The following CNTN6 variants were observed in gnomAD, a reference collection of about 807,000 sequenced individuals.
CNTN6 encodes the protein contactin 6, also known as contactin-6.
CNTN6 carries 137 observed loss-of-function variants against 122.8 expected under a neutral mutation model. The ratio of observed to expected loss-of-function variants is 1.12; its 90% CI spans 0.97 to 1.29. The LOEUF (loss-of-function observed/expected upper bound fraction) is 1.29, where lower values mean the gene tolerates loss of function less well. Ranked by LOEUF, CNTN6 falls within the 50% of genes most tolerant of loss-of-function variation. The pLI is 0.00. For synonymous variants in CNTN6, 570 were observed against 426.0 expected, an observed-to-expected ratio of 1.34 and a Z score of -4.16; for missense variants, 1,634 against 1,223.4, an observed-to-expected ratio of 1.34 and a Z score of -5.01.
At position 1,280,955 on chromosome 3, in the gene CNTN6, A is replaced by G. The variant is rs540062541; in HGVS notation, c.454+2447A>G. ...CCAATGTCAAAGCCAGGAACAGAGAATCTGTCTCACATTTAGTCCCTCGAA... is the reference window on the plus strand; with the variant it reads ...CCAATGTCAAAGCCAGGAACAGAGAGTCTGTCTCACATTTAGTCCCTCGAA... On this transcript the variant is annotated intron_variant, in intron 5 of 22. Transcript: ENST00000446702. 3.3e-5 allele frequency among the ~76,000 whole-genome samples: 5 copies of G among 152,276 alleles called. No individual in the cohort carries two copies. The South Asian group carries it at 1.0e-3, about 32-fold the overall frequency.
At position 1,198,180 on chromosome 3, in the gene CNTN6, T is replaced by TA. The variant is rs1016178158; in HGVS notation, c.56-22501dup. Among the ~76,000 whole-genome samples the TA allele has an allele frequency of 1.3e-4, 20 of 151,898 alleles. 1 individual carries two copies. The highest frequency in any genetic ancestry group is 4.8e-4 in the African/African-American group (20 of 41,338). On this transcript the variant is annotated intron_variant, in intron 2 of 22. Transcript: ENST00000446702. ...CATCTCTCAAAGAACTGCCTATTAA[T>TA]AAAAAACAAACAAAAAAAACTTATT...
chr3:1,377,800 G>A (rs573559012), intron 17 of CNTN6, among the ~76,000 whole-genome samples: 6 of 152,190 alleles, frequency 3.9e-5, no homozygotes, highest in African/African-American at 1.2e-4. Context: ...AGCTGTAGAA[G>A]GTTGGTGTTG....
At chr3:1,339,881 T>C (rs1703633687) in intron 11 of CNTN6, among the ~76,000 whole-genome samples, 2 of 152,162 alleles carry the variant, frequency 1.3e-5, no homozygotes, top group African/African-American at 4.8e-5. Flanking sequence ...CTATCTCCAA[T>C]TAAATTAACC....
At chr3:1,278,842 C>G (rs559315525) in intron 5 of CNTN6, among the ~76,000 whole-genome samples, 1 of 152,108 alleles carries the variant, frequency 6.6e-6, no homozygotes, top group Non-Finnish European at 1.5e-5. Flanking sequence ...TTATTTACCC[C>G]ACTTTGAGGC....
intron 2 of CNTN6, among the ~76,000 whole-genome samples, chr3:1,149,011 G>A (rs2092781967): frequency 6.6e-6 from 1 of 152,104 alleles, no homozygotes; most frequent in African/African-American, 2.4e-5. Context: ...ATTTCTGTGA[G>A]TTATTTTGAC....
rs536739301 is a variant in CNTN6, at chr3:1,207,780, A to G, written c.56-12907A>G. Among the ~76,000 whole-genome samples, 16 of 152,200 alleles carry G rather than the reference A, an allele frequency of 1.1e-4. No homozygotes were observed. The South Asian group carries it at 2.1e-3, about 20-fold the overall frequency. ...CACATAGTAATCCCACAAATAAATG[A>G]TTGTTCAGTAAATGAATAAAAAATA... On this transcript the variant is annotated intron_variant, in intron 2 of 22. Transcript: ENST00000446702.
In CNTN6 at chr3:1,298,178, T is replaced by C. The variant is rs191528130; in HGVS notation, c.761+187T>C. 1.6e-3 allele frequency: 779 copies of C among 501,812 alleles called. 2 individuals are homozygous for C. The Middle Eastern group carries it at 0.019, about 12-fold the overall frequency. 31.1% of individuals were successfully genotyped at this position (501,812 alleles called of 1,614,324 possible). On this transcript the variant is annotated intron_variant, in intron 7 of 22. Coordinates refer to ENST00000446702, the MANE Select transcript of CNTN6 (RefSeq NM_001289080.2). The stretch of plus-strand genomic sequence containing the variant: ...AATACTGAGACAATGACCAGGCCTG[T>C]AACTGAAAATGATCAGGGCTGCAAT...
chr3:1,275,871 G>A (rs905151368), intron 4 of CNTN6, among the ~76,000 whole-genome samples: 11 of 152,106 alleles, frequency 7.2e-5, no homozygotes, highest in East Asian at 1.9e-4. Context: ...AGCTTTGTTC[G>A]CTTGCCTGCC....
chr3:1,228,832 T>C (rs1282929069), intron 4 of CNTN6, among the ~76,000 whole-genome samples: 1 of 152,198 alleles, frequency 6.6e-6, no homozygotes, highest in Non-Finnish European at 1.5e-5. Flanking sequence ...AACAAATACA[T>C]GACCAAAACT....
At chr3:1,366,371 C>T (rs1708220324) in intron 12 of CNTN6, among the ~76,000 whole-genome samples, 1 of 152,072 alleles carries the variant, frequency 6.6e-6, no homozygotes, top group African/African-American at 2.4e-5. Context: ...CTCACCGATC[C>T]ATAAATACCG....
chr3:1,160,344 G>GTATATATATATATATATATATATA (rs56703431), intron 2 of CNTN6, among the ~76,000 whole-genome samples: 1,765 of 110,448 alleles, frequency 0.016, 40 homozygotes, highest in South Asian at 0.024. Flanking sequence ...TACTTTTACT[G>GTATATATATATATATATATATATA]TATATATATA....
intron 7 of CNTN6, among the ~76,000 whole-genome samples, chr3:1,302,921 C>T (rs1455538947): frequency 6.8e-6 from 1 of 147,084 alleles, no homozygotes; most frequent in Non-Finnish European, 1.5e-5. Flanking sequence ...CCCTTCTGTC[C>T]AAGTTCTTAA....
At chr3:1,171,069 C>A (rs974926088) in intron 2 of CNTN6, among the ~76,000 whole-genome samples, 2 of 152,172 alleles carry the variant, frequency 1.3e-5, no homozygotes, top group Non-Finnish European at 2.9e-5. Context: ...CCATTGGCAA[C>A]CAAATTGTGC....
intron 7 of CNTN6, among the ~76,000 whole-genome samples, chr3:1,311,348 T>C (rs142968077): frequency 6.3e-5 from 8 of 127,824 alleles, no homozygotes; most frequent in Admixed American, 2.3e-4. Context: ...ATATAAAATG[T>C]CTTTATATGT....
At position 1,270,137 on chromosome 3, in the gene CNTN6, C is replaced by A. The variant is rs1004517509; in HGVS notation, c.359-8276C>A. Among the ~76,000 whole-genome samples, 4 of 152,222 alleles carry A rather than the reference C, an allele frequency of 2.6e-5. No individual in the cohort carries two copies. In the East Asian group the frequency reaches 7.7e-4, roughly 29 times the overall value. ...CATAATAATATCATGAACACCATGACTGAGTATATAGCATCCAGAAAACGA... is the reference window on the plus strand; with the variant it reads ...CATAATAATATCATGAACACCATGAATGAGTATATAGCATCCAGAAAACGA... On this transcript the variant is annotated intron_variant, in intron 4 of 22. Coordinates refer to ENST00000446702, the MANE Select transcript of CNTN6 (RefSeq NM_001289080.2).
chr3:1,231,400 C>A (rs111407158), intron 4 of CNTN6, among the ~76,000 whole-genome samples: 45 of 152,174 alleles, frequency 3.0e-4, no homozygotes, highest in Non-Finnish European at 5.9e-4. Flanking sequence ...TATGAACAAC[C>A]TTTCAGAATC....
intron 1 of CNTN6, among the ~76,000 whole-genome samples, chr3:1,107,978 A>G (rs906154023): frequency 6.6e-6 from 1 of 152,088 alleles, no homozygotes; most frequent in African/African-American, 2.4e-5. Flanking sequence ...TCCAGTTGTG[A>G]TGATAAATAT....
chr3:1,172,122 T>TA (rs2093368221), intron 2 of CNTN6, among the ~76,000 whole-genome samples: 1 of 152,148 alleles, frequency 6.6e-6, no homozygotes, highest in South Asian at 2.1e-4. Context: ...TCCACTCCCC[T>TA]AAAGCCCTCT....
Position 1,102,610 on chromosome 3 carries a change from C to A in CNTN6, c.-83+9490C>A, listed in dbSNP as rs918649726. ...CGGGCGTGGTGGCGGCGCCTGTAGTCCCAGCTACTCGGGAGGCTGAGGCAG... is the reference window on the plus strand; with the variant it reads ...CGGGCGTGGTGGCGGCGCCTGTAGTACCAGCTACTCGGGAGGCTGAGGCAG... On this transcript the variant is annotated intron_variant, in intron 1 of 22. Transcript: ENST00000446702. Among the ~76,000 whole-genome samples the A allele has an allele frequency of 7.4e-5, 11 of 148,862 alleles. 2 individuals are homozygous for A. Among genetic ancestry groups the A allele is most frequent in the Admixed American group, 4.7e-4 (7 of 14,904 alleles).
Sources: gnomAD v4.1 joint callset for allele counts (sites outside exome capture counted in the v4.1 genomes callset) on GRCh38, gnomAD v4.1.1 for gene constraint, MANE v1.5 for transcripts, NCBI Gene and HGNC (gene_info 2026-07-23, HGNC 2026-07-21) for gene names.